Variants in MTCL1 observed in about 807,000 individuals in gnomAD.
MTCL1 encodes the protein microtubule cross-linking factor 1.
A neutral mutation model predicts 141.4 loss-of-function variants in MTCL1; 79 were observed. The observed-to-expected ratio is 0.56, with a 90% CI of 0.47 to 0.67. The LOEUF is 0.67. MTCL1 is among the 30% of genes least tolerant of loss of function. MTCL1 has a pLI of 0.00. For missense variants in MTCL1, 2,177 were observed against 2,113.9 expected (o/e 1.03, Z -0.59); for synonymous variants, 914 against 875.8 (o/e 1.04, Z -0.77).
In MTCL1 at chr18:8,821,399, T is replaced by G. The variant is rs956437524; in HGVS notation, c.3157-68T>G. The G allele has an allele frequency of 5.0e-6, 5 of 1,005,186 alleles. No individual in the cohort carries two copies. The African/African-American group carries it at 6.4e-5, about 13-fold the overall frequency. 62.3% of individuals were successfully genotyped at this position (1,005,186 alleles called of 1,614,324 possible). On this transcript the variant is annotated intron_variant, in intron 13 of 16. Transcript: ENST00000359865. ...GGGGGTGCAGAGCAAACAAATCACT[T>G]AAGTACATTCAGGGCTTCTGGACAA... is the stretch of plus-strand genomic sequence containing the variant.
At chr18:8,715,035 A>G (rs1411186776), upstream of MTCL1, among the ~76,000 whole-genome samples, 2 of 152,084 alleles carry the variant, frequency 1.3e-5, no homozygotes, top group Non-Finnish European at 2.9e-5. Flanking sequence ...TGACCTTGTG[A>G]TCCGCCCGCC....
chr18:8,766,957 C>T (rs1406222339), intron 4 of MTCL1, among the ~76,000 whole-genome samples: 4 of 152,224 alleles, frequency 2.6e-5, no homozygotes, highest in African/African-American at 4.8e-5. Flanking sequence ...CAGCCCCTTC[C>T]GCAGCCTCAG....
chr18:8,716,004 T>A (rs1002615709), upstream of MTCL1, among the ~76,000 whole-genome samples: 1 of 152,162 alleles, frequency 6.6e-6, no homozygotes, highest in Admixed American at 6.5e-5. Context: ...AACTTCCAGT[T>A]CCAGCAGATC....
At chr18:8,712,161 TTTTGC>T (rs1009864206) in intron 1 of MTCL1, among the ~76,000 whole-genome samples, 2 of 152,212 alleles carry the variant, frequency 1.3e-5, no homozygotes, top group African/African-American at 2.4e-5. Flanking sequence ...AGCTGTTTCT[TTTTGC>T]TTTGCTTTGC....
At chr18:8,759,389 G>C (rs953672807) in intron 4 of MTCL1, among the ~76,000 whole-genome samples, 1 of 152,226 alleles carries the variant, frequency 6.6e-6, no homozygotes, top group African/African-American at 2.4e-5. Flanking sequence ...AAAGAATCCT[G>C]TTGATTTCAA....
intron 1 of MTCL1, among the ~76,000 whole-genome samples, chr18:8,712,166 C>T (rs932332899): frequency 6.6e-6 from 1 of 152,174 alleles, no homozygotes; most frequent in African/African-American, 2.4e-5. Context: ...TTTCTTTTTG[C>T]TTTGCTTTGC....
chr18:8,771,023 G>A (rs2096483175), intron 4 of MTCL1, among the ~76,000 whole-genome samples: 1 of 152,188 alleles, frequency 6.6e-6, no homozygotes, highest in African/African-American at 2.4e-5. Context: ...TGAACAGGAG[G>A]AAGGGGGAGG....
chr18:8,784,870 C>T, intron 6 of MTCL1, 27 bp downstream of exon 5: 2 of 1,535,506 alleles, frequency 1.3e-6, no homozygotes, highest in Non-Finnish European at 8.8e-7. Context: ...CTTCGCCTCC[C>T]TGCTCCGCCT....
In MTCL1 at chr18:8,826,201, T is replaced by A. The variant is rs771991834; in HGVS notation, c.4691T>A (p.Leu1564Gln). The change falls in exon 15 of 17, where the codon CTG (leucine) becomes CAG (glutamine). Residue 1564 changes from leucine to glutamine, a missense_variant. Leu to Gln is a moderately radical substitution (Grantham distance 113, BLOSUM62 -2). Coordinates refer to ENST00000359865, the Ensembl canonical transcript of MTCL1. ...GGTCTCCACAGTGACAGCCACTCGC[T>A]GGGGGACACAGCCGAGCCAGGGCCC... 9 of 1,608,952 alleles carry A rather than the reference T, an allele frequency of 5.6e-6. No individual in the cohort carries two copies. The Admixed American group carries it at 1.2e-4, about 21-fold the overall frequency.
At chr18:8,756,760 C>A (rs1490327206) in intron 4 of MTCL1, among the ~76,000 whole-genome samples, 1 of 152,134 alleles carries the variant, frequency 6.6e-6, no homozygotes, top group Non-Finnish European at 1.5e-5. Context: ...TGGGATGTGG[C>A]CAAACCGCAG....
rs2096396742 is a variant in MTCL1 at position 8,756,205 on chromosome 18, CCT to C, written c.358-21627_358-21626del. Among the ~76,000 whole-genome samples the C allele has an allele frequency of 2.0e-5, 3 of 152,246 alleles. No individual in the cohort carries two copies. In the South Asian group the frequency reaches 6.2e-4, roughly 32 times the overall value. ...CTGGGGTCTCTCTTGTAGGTCAGGGCCTTTCTGGAGGTCGTCAGACCATGCGG... is the reference window on the plus strand; with the variant it reads ...CTGGGGTCTCTCTTGTAGGTCAGGGCTTCTGGAGGTCGTCAGACCATGCGG... On this transcript the variant is annotated intron_variant, in intron 4 of 16. Transcript: ENST00000359865.
intron 8 of MTCL1, among the ~76,000 whole-genome samples, chr18:8,795,088 C>T (rs1378291363): frequency 6.6e-6 from 1 of 152,216 alleles, no homozygotes; most frequent in Admixed American, 6.5e-5. Context: ...CACCTGTTTT[C>T]TGTTATTTCA....
intron 1 of MTCL1, among the ~76,000 whole-genome samples, chr18:8,708,449 G>A (rs2096069507): frequency 6.6e-6 from 1 of 152,168 alleles, no homozygotes; most frequent in South Asian, 2.1e-4. Flanking sequence ...ACATAGGGTG[G>A]TGGTGGTGGT....
At chr18:8,805,321 A>G (rs904341261) in intron 10 of MTCL1, among the ~76,000 whole-genome samples, 1 of 152,070 alleles carries the variant, frequency 6.6e-6, no homozygotes, top group African/African-American at 2.4e-5. Flanking sequence ...GAGTATACCC[A>G]ATGTTTGGCT....
intron 4 of MTCL1, among the ~76,000 whole-genome samples, chr18:8,723,540 C>T (rs2096187402): frequency 6.6e-6 from 1 of 152,190 alleles, no homozygotes; most frequent in Non-Finnish European, 1.5e-5. Flanking sequence ...GAGACAGCAT[C>T]TCCATGCCTT....
intron 1 of MTCL1, among the ~76,000 whole-genome samples, chr18:8,712,159 C>A (rs977039522): frequency 2.6e-5 from 4 of 152,252 alleles, no homozygotes; most frequent in African/African-American, 9.6e-5. Flanking sequence ...AGAGCTGTTT[C>A]TTTTTGCTTT....
At chr18:8,716,568 C>CTTTTTTTTTT (rs1567928941), upstream of MTCL1, among the ~76,000 whole-genome samples, 1 of 108,892 alleles carries the variant, frequency 9.2e-6, no homozygotes, top group African/African-American at 3.4e-5. Context: ...TCTTTTTGTT[C>CTTTTTTTTTT]ATTTTTTTTT....
At chr18:8,712,600 C>G (rs1196908069), upstream of MTCL1, among the ~76,000 whole-genome samples, 1 of 152,176 alleles carries the variant, frequency 6.6e-6, no homozygotes, top group Admixed American at 6.5e-5. Context: ...CTGTCCATAC[C>G]CACTCTGTAT....
Position 8,705,754 on chromosome 18 carries a change from G to T in MTCL1, c.94G>T (p.Val32Leu). The T allele has an allele frequency of 8.3e-7, 1 of 1,203,278 alleles. No homozygotes were observed. The highest frequency in any genetic ancestry group is 1.0e-6 in the Non-Finnish European group (1 of 969,112). 74.5% of individuals were successfully genotyped at this position (1,203,278 alleles called of 1,614,324 possible). A position where few individuals can be genotyped will look rare whatever the true frequency, so the allele number is the denominator to read the frequency against. Reference sequence around the variant, plus strand: ...CCACCGCCACCACCACCTCCACCCGGTGGCCGAAAGGCGGCGGCTGCACCG... The same window carrying T: ...CCACCGCCACCACCACCTCCACCCGTTGGCCGAAAGGCGGCGGCTGCACCG... Residue 32 changes from valine (V) to leucine (L), a missense_variant, in exon 1 of 14, where the codon GTG (valine) becomes TTG (leucine). Physicochemically the swap from Val to Leu is conservative, Grantham distance 32. Coordinates refer to the MTCL1 transcript ENST00000306329. This position sits in a 1 kb window ranked among gnomAD's most constrained non-coding sequence, Gnocchi z 5.2.
Sources: allele counts gnomAD v4.1 joint callset (sites outside exome capture counted in the v4.1 genomes callset), GRCh38; gene constraint gnomAD v4.1.1; non-coding constraint Gnocchi (gnomAD v3.1); transcripts MANE v1.5; gene names NCBI Gene and HGNC (gene_info 2026-07-23, HGNC 2026-07-21).